Variants in KCNB2 observed in about 807,000 individuals in gnomAD.
KCNB2 encodes the protein delayed rectifier potassium channel protein.
A neutral mutation model predicts 61.5 loss-of-function variants in KCNB2; 15 were observed. The observed-to-expected ratio is 0.24, with a 90% CI of 0.16 to 0.38. The LOEUF (loss-of-function observed/expected upper bound fraction) is 0.38. Ranked by LOEUF, KCNB2 falls within the 10% of genes least tolerant of loss-of-function variation. The probability of loss-of-function intolerance (pLI) is 1.00; values close to 1 mark genes in which losing one functional copy is unlikely to be tolerated. For synonymous variants in KCNB2, 457 were observed against 446.0 expected (o/e 1.02, Z -0.31); for missense variants, 828 against 1,125.2 (o/e 0.74, Z 3.78).
chr8:72,781,637 G>A lies in KCNB2; in HGVS notation c.580-154298G>A, dbSNP rs1245384660. On this transcript the variant is annotated intron_variant, in intron 2 of 2. Coordinates refer to ENST00000523207, the MANE Select transcript of KCNB2 (RefSeq NM_004770.3). ...AGCCTTGTAGTATAGTTTGAAGTCTGGTAGAGTGATGCCTCCAGTGTTGTT... is the reference window on the plus strand; with the variant it reads ...AGCCTTGTAGTATAGTTTGAAGTCTAGTAGAGTGATGCCTCCAGTGTTGTT... Among the ~76,000 whole-genome samples the A allele has an allele frequency of 4.6e-5, 7 of 152,154 alleles. No homozygotes were observed. The East Asian group carries it at 1.3e-3, about 29-fold the overall frequency.
At chr8:72,934,000 C>G (rs1276453225) in intron 2 of KCNB2, among the ~76,000 whole-genome samples, 1 of 152,148 alleles carries the variant, frequency 6.6e-6, no homozygotes, top group Non-Finnish European at 1.5e-5. Context: ...TTTATTTACT[C>G]TACAACACAT....
intron 2 of KCNB2, among the ~76,000 whole-genome samples, chr8:72,579,856 A>G (rs776844452): frequency 1.3e-5 from 2 of 152,166 alleles, no homozygotes; most frequent in Non-Finnish European, 2.9e-5. Flanking sequence ...TTTTCTAACA[A>G]TACTGCTTCC....
In KCNB2 at chr8:72,936,196, A is replaced by G; in HGVS notation, c.841A>G (p.Ile281Val). Reference protein sequence around the residue: ...LLAILPYYVTIFLTESNKSVL... With the variant: ...LLAILPYYVTVFLTESNKSVL... ...GGCCATCTTGCCGTACTATGTCACC[A>G]TTTTTCTGACGGAGTCCAACAAGAG... The change falls in exon 3 of 3, where the codon ATT (isoleucine) becomes GTT (valine). Residue 281 changes from isoleucine to valine, a missense_variant. Physicochemically the swap from Ile to Val is conservative, Grantham distance 29. Around this residue, in one of 4 missense-constraint regions of KCNB2, gnomAD observed 163 missense variants for 314.4 expected, o/e 0.52. Coordinates refer to ENST00000523207, the MANE Select transcript of KCNB2 (RefSeq NM_004770.3). This position sits in a 1 kb window ranked among gnomAD's most constrained non-coding sequence, Gnocchi z 5.6. 1 of 1,614,094 alleles carries G rather than the reference A, an allele frequency of 6.2e-7. No individual in the cohort carries two copies. The highest frequency in any genetic ancestry group is 8.5e-7 in the Non-Finnish European group (1 of 1,180,016).
intron 2 of KCNB2, among the ~76,000 whole-genome samples, chr8:72,587,018 A>G (rs1186164799): frequency 6.6e-6 from 1 of 152,226 alleles, no homozygotes; most frequent in Non-Finnish European, 1.5e-5. Context: ...GATAGCAAAG[A>G]TGAATCTTAA....
chr8:72,746,065 T>C (rs1808059361), intron 2 of KCNB2, among the ~76,000 whole-genome samples: 1 of 152,210 alleles, frequency 6.6e-6, no homozygotes, highest in Non-Finnish European at 1.5e-5. Context: ...TTTAGGTTGC[T>C]TGAGTATTGC....
intron 2 of KCNB2, among the ~76,000 whole-genome samples, chr8:72,646,234 A>T: frequency 6.6e-6 from 1 of 152,048 alleles, no homozygotes; most frequent in Non-Finnish European, 1.5e-5. Context: ...TTATTTATTA[A>T]TGCTGTTTGA....
At chr8:72,572,561 G>A (rs1489116829) in intron 2 of KCNB2, among the ~76,000 whole-genome samples, 3 of 147,832 alleles carry the variant, frequency 2.0e-5, no homozygotes, top group Non-Finnish European at 4.5e-5. Flanking sequence ...TCTCTCTCAG[G>A]CTCTCTCTGC....
intron 2 of KCNB2, among the ~76,000 whole-genome samples, chr8:72,663,688 T>C (rs1806415858): frequency 6.6e-6 from 1 of 152,144 alleles, no homozygotes; most frequent in Non-Finnish European, 1.5e-5. Context: ...AGAGGGGAGA[T>C]ACATGATGCC....
intron 2 of KCNB2, among the ~76,000 whole-genome samples, chr8:72,897,479 C>G (rs915510159): frequency 6.6e-6 from 1 of 152,086 alleles, no homozygotes; most frequent in African/African-American, 2.4e-5. Flanking sequence ...TATTTCAATG[C>G]CCTCTCCTTG....
At chr8:72,669,869 C>G (rs1806534847) in intron 2 of KCNB2, among the ~76,000 whole-genome samples, 1 of 152,172 alleles carries the variant, frequency 6.6e-6, no homozygotes, top group Admixed American at 6.5e-5. Flanking sequence ...ATTTTACGGT[C>G]TAGCTGGAAC....
intron 2 of KCNB2, among the ~76,000 whole-genome samples, chr8:72,783,415 A>G: frequency 6.6e-6 from 1 of 152,048 alleles, no homozygotes; most frequent in East Asian, 1.9e-4. Context: ...CTGTTCTTCA[A>G]ACTGCTAATC....
intron 2 of KCNB2, among the ~76,000 whole-genome samples, chr8:72,820,759 A>T (rs1158713204): frequency 6.6e-6 from 1 of 152,096 alleles, no homozygotes; most frequent in African/African-American, 2.4e-5. Context: ...TAAATTTCTT[A>T]TCCCACTTCT....
At chr8:72,719,997 T>A (rs975163218) in intron 2 of KCNB2, among the ~76,000 whole-genome samples, 2 of 152,212 alleles carry the variant, frequency 1.3e-5, no homozygotes, top group Non-Finnish European at 2.9e-5. Flanking sequence ...TGCTCCTTGA[T>A]GTCTATGAAA....
chr8:72,628,768 C>G (rs1390527195), intron 2 of KCNB2, among the ~76,000 whole-genome samples: 1 of 152,172 alleles, frequency 6.6e-6, no homozygotes, highest in Non-Finnish European at 1.5e-5. Flanking sequence ...AGCCCACCTC[C>G]TTGCACACAT....
chr8:72,590,550 C>T (rs145419914), intron 2 of KCNB2, among the ~76,000 whole-genome samples: 2,261 of 152,254 alleles, frequency 0.015, 46 homozygotes, highest in African/African-American at 0.052. Flanking sequence ...TCTATCAGAG[C>T]ATAATGAGCT....
intron 2 of KCNB2, among the ~76,000 whole-genome samples, chr8:72,637,756 G>A (rs1805989710): frequency 1.3e-5 from 2 of 152,130 alleles, no homozygotes; most frequent in South Asian, 2.1e-4. Flanking sequence ...CTAAAAGACT[G>A]TTCAACTACA....
intron 1 of KCNB2, among the ~76,000 whole-genome samples, chr8:72,567,435 G>A (rs1190071171): frequency 1.3e-5 from 2 of 152,122 alleles, no homozygotes; most frequent in Non-Finnish European, 2.9e-5. Flanking sequence ...CCTCTTCTGT[G>A]TAGTACACTG....
intron 2 of KCNB2, among the ~76,000 whole-genome samples, chr8:72,832,097 TA>T (rs1240101422): frequency 6.6e-6 from 1 of 152,222 alleles, no homozygotes; most frequent in Non-Finnish European, 1.5e-5. Context: ...TCAGAAGAAC[TA>T]ACATGGAAAC....
chr8:72,764,865 A>C (rs1290460855), intron 2 of KCNB2, among the ~76,000 whole-genome samples: 2 of 152,176 alleles, frequency 1.3e-5, no homozygotes, highest in Non-Finnish European at 2.9e-5. Context: ...ATTAGTGTCT[A>C]TTCTGGGCAA....
Sources: gnomAD v4.1 joint callset for allele counts (sites outside exome capture counted in the v4.1 genomes callset) on GRCh38, gnomAD v4.1.1 for gene constraint, gnomAD v4.1.1 regional missense constraint, Gnocchi (gnomAD v3.1) non-coding constraint, MANE v1.5 for transcripts, NCBI Gene and HGNC (gene_info 2026-07-23, HGNC 2026-07-21) for gene names.